The following PTPN23 variants were observed in gnomAD, a reference collection of about 807,000 sequenced individuals.
PTPN23 encodes protein tyrosine phosphatase non-receptor type 23.
Under a neutral mutation model 156.3 loss-of-function variants are expected in PTPN23, and 72 were observed. The ratio of observed to expected loss-of-function variants is 0.46; its 90% CI spans 0.38 to 0.56. The LOEUF (loss-of-function observed/expected upper bound fraction) is 0.56. Among genes scored for constraint, PTPN23 ranks in the 20% least tolerant of loss-of-function variants. The pLI is 0.00. For missense variants in PTPN23, 1,974 were observed against 2,171.5 expected (o/e 0.91, Z 1.81); for synonymous variants, 957 against 899.6 (o/e 1.06, Z -1.14).
rs148689441 is a variant in PTPN23 at position 47,411,546 on chromosome 3, G to A, written c.3748G>A (p.Glu1250Lys). 233 of 1,612,738 alleles carry A rather than the reference G, an allele frequency of 1.4e-4. No individual in the cohort carries two copies. Among genetic ancestry groups the A allele is most frequent in the Non-Finnish European group, 1.9e-4 (221 of 1,180,016 alleles). The change falls in exon 20 of 25, where the codon GAG becomes AAG. Residue 1250 changes from glutamate (E) to lysine (K), a missense_variant. Glu to Lys is a moderately conservative substitution (Grantham distance 56, BLOSUM62 1). Around this residue, in one of 4 missense-constraint regions of PTPN23, gnomAD observed 484 missense variants for 516.0 expected, o/e 0.94. Coordinates refer to ENST00000265562, the MANE Select transcript of PTPN23 (RefSeq NM_015466.4). The surrounding 1 kb of genome is among the most constrained non-coding windows in gnomAD (Gnocchi z 6.3). ...TGACTACATCAATGCCAGCTGCGTG[G>A]AGGGGCTCTCCCCATACTGCCCCCC... ...KDDYINASCV[E>K]GLSPYCPPLV...
intron 1 of PTPN23, among the ~76,000 whole-genome samples, chr3:47,390,657 C>G (rs1331566247): frequency 6.6e-6 from 1 of 152,166 alleles, no homozygotes; most frequent in African/African-American, 2.4e-5. Context: ...CAGCCTCTTT[C>G]TTCTTTTTTA....
Position 47,407,058 on chromosome 3 carries a change from C to G in PTPN23, c.808-72C>G. On this transcript the variant is annotated intron_variant, in intron 9 of 24. Coordinates refer to ENST00000265562, the MANE Select transcript of PTPN23 (RefSeq NM_015466.4). This position sits in a 1 kb window ranked among gnomAD's most constrained non-coding sequence, Gnocchi z 4.0. The stretch of plus-strand genomic sequence containing the variant: ...TTGTCATCTGATGGACAGGCAGGGC[C>G]GGGTGGGAGGCAGGAGGAGAAAGGG... 2 of 1,590,372 alleles carry G rather than the reference C, an allele frequency of 1.3e-6. No individual in the cohort carries two copies. Among genetic ancestry groups the G allele is most frequent in the Non-Finnish European group, 1.7e-6 (2 of 1,160,966 alleles).
Position 47,381,037 on chromosome 3 carries a change from C to G in PTPN23, c.-60C>G. On this transcript the variant is annotated 5_prime_UTR_variant, in exon 1 of 25. Coordinates refer to ENST00000265562, the MANE Select transcript of PTPN23 (RefSeq NM_015466.4). ...CGAAGGGGCGGGGCTGGGCTCGTGGCTGAGCCAGCAGCTGCAGCAGCTACG... is the reference window on the plus strand; with the variant it reads ...CGAAGGGGCGGGGCTGGGCTCGTGGGTGAGCCAGCAGCTGCAGCAGCTACG... 5 of 1,549,228 alleles carry G rather than the reference C, an allele frequency of 3.2e-6. No homozygotes were observed.
rs373084496 is a variant in PTPN23, at chr3:47,413,216, C to T, written c.*31C>T. 1.4e-6 allele frequency: 2 copies of T among 1,457,080 alleles called. No homozygotes were observed. Among genetic ancestry groups the T allele is most frequent in the South Asian group, 1.2e-5 (1 of 82,320 alleles). 90.3% of individuals were successfully genotyped at this position (1,457,080 alleles called of 1,614,324 possible). Reference sequence around the variant, plus strand: ...TTTTGCCTACCTGGTCCTTACACTACATCATCATCATCTCATGCCCACCTG... The same window carrying T: ...TTTTGCCTACCTGGTCCTTACACTATATCATCATCATCTCATGCCCACCTG... On this transcript the variant is annotated 3_prime_UTR_variant, in exon 25 of 25. Transcript: ENST00000265562.
chr3:47,382,680 CTTTTTTTTTTTTTTTTTT>C (rs71098482), intron 1 of PTPN23, among the ~76,000 whole-genome samples: 10 of 58,646 alleles, frequency 1.7e-4, no homozygotes, highest in African/African-American at 5.9e-4. Flanking sequence ...TTTTTCTTTT[CTTTTTTTTTTTTTTTTTT>C]TTTTTTTTGA....
Position 47,407,428 on chromosome 3 carries a change from G to T in PTPN23, c.923+61G>T. 6.2e-7 allele frequency: 1 copy of T among 1,609,114 alleles called. No individual in the cohort carries two copies. The highest frequency in any genetic ancestry group is 1.7e-5 in the Admixed American group (1 of 59,956). The stretch of plus-strand genomic sequence containing the variant: ...TGTGAAGGGTCTTGTCCCTCTGCTG[G>T]CATCTACATGGGAAGTAGGTTCTGG... On this transcript the variant is annotated intron_variant, in intron 11 of 24. Coordinates refer to ENST00000265562, the MANE Select transcript of PTPN23 (RefSeq NM_015466.4). This position sits in a 1 kb window ranked among gnomAD's most constrained non-coding sequence, Gnocchi z 4.0.
rs140097016 is a variant in PTPN23, at chr3:47,413,137, C to T, written c.4863C>T (p.Asp1621=). 6.1e-5 allele frequency: 98 copies of T among 1,612,662 alleles called. No individual in the cohort carries two copies. The highest frequency in any genetic ancestry group is 1.2e-4 in the South Asian group (11 of 91,078). The change falls in exon 25 of 25, where the codon GAC becomes GAT. Residue 1621 remains aspartate (D), a synonymous_variant. Transcript: ENST00000265562. The part of the protein sequence containing the change: ...GQGLRATRPS[D]DPLSLLDPLW... ...GGCTGCGGGCCACCCGGCCCTCTGA[C>T]GACCCCCTCAGCCTTCTGGATCCAC...
At chr3:47,404,804 G>A in intron 3 of PTPN23, 25 bp downstream of exon 3, 1 of 1,610,232 alleles carries the variant, frequency 6.2e-7, no homozygotes, top group Non-Finnish European at 8.5e-7. Flanking sequence ...CAGGGCTGGA[G>A]GATCCCACGG....
At chr3:47,408,596 C>A (rs758670646) in intron 15 of PTPN23, 106 bp downstream of exon 15, 103 of 1,494,356 alleles carry the variant, frequency 6.9e-5, no homozygotes, top group Non-Finnish European at 9.0e-5. Context: ...CCCCTCTAGG[C>A]CCTGGCTTGG....
In PTPN23 at chr3:47,412,915, CCT is replaced by C; in HGVS notation, c.4642_4643del (p.Leu1548PhefsTer6). 1.2e-6 allele frequency: 2 copies of C among 1,603,196 alleles called. No individual in the cohort carries two copies. The highest frequency in any genetic ancestry group is 1.1e-5 in the South Asian group (1 of 90,416). On this transcript the variant is annotated frameshift_variant, in exon 25 of 25. Transcript: ENST00000265562. LOFTEE classifies it high-confidence loss of function. ...CAATCCCATCTTCCTCCCCGCCCCCCCTTTCCTCCCCACTACCTGAGGCTCCC... is the reference window on the plus strand; with the variant it reads ...CAATCCCATCTTCCTCCCCGCCCCCCTTCCTCCCCACTACCTGAGGCTCCC... ...TPIPSSSPPP[L>X]SSPLPEAPQP...
At position 47,412,939 on chromosome 3, in the gene PTPN23, TC is replaced by T; in HGVS notation, c.4669del (p.Gln1557SerfsTer27). 1 of 1,257,418 alleles carries T rather than the reference TC, an allele frequency of 8.0e-7. No individual in the cohort carries two copies. The highest frequency in any genetic ancestry group is 1.0e-6 in the Non-Finnish European group (1 of 964,564). The allele number at this position is 1,257,418 out of a possible 1,614,324, so 77.9% of individuals were successfully genotyped here. On this transcript the variant is annotated frameshift_variant, in exon 25 of 25. Coordinates refer to ENST00000265562, the MANE Select transcript of PTPN23 (RefSeq NM_015466.4). LOFTEE classifies it high-confidence loss of function. ...CCCTTTCCTCCCCACTACCTGAGGC[TC>T]CCCAGCCTAAGGAGGAGCCGCCAGT... ...PPLSSPLPEA[P>X]QPKEEPPVPE...
At chr3:47,412,032 GGAT>G in intron 21 of PTPN23, 59 bp from the exon 22 acceptor site, 1 of 1,608,236 alleles carries the variant, frequency 6.2e-7, no homozygotes, top group South Asian at 1.1e-5. Flanking sequence ...GTGCTGGGAG[GGAT>G]GAGAGCCTCA....
chr3:47,389,320 C>T (rs1411068860), intron 1 of PTPN23, among the ~76,000 whole-genome samples: 1 of 152,116 alleles, frequency 6.6e-6, no homozygotes, highest in Non-Finnish European at 1.5e-5. Flanking sequence ...ATGAAAAAAG[C>T]CAAGCCTAGG....
At position 47,408,735 on chromosome 3, in the gene PTPN23, C is replaced by A; in HGVS notation, c.1331-41C>A. On this transcript the variant is annotated intron_variant, in intron 15 of 24. Transcript: ENST00000265562. Reference sequence around the variant, plus strand: ...GGGGAGGGGCCCATGGGTGCCCGGTCAGCCTGCCTCAGGGGCTGCCTGTAC... The same window carrying A: ...GGGGAGGGGCCCATGGGTGCCCGGTAAGCCTGCCTCAGGGGCTGCCTGTAC... 2.6e-6 allele frequency: 4 copies of A among 1,549,438 alleles called. No individual in the cohort carries two copies. The South Asian group carries it at 3.8e-5, about 15-fold the overall frequency.
Position 47,405,663 on chromosome 3 carries a change from G to C in PTPN23, c.365-86G>C, listed in dbSNP as rs1039038611. 9.6e-6 allele frequency: 13 copies of C among 1,357,456 alleles called. No homozygotes were observed. The African/African-American group carries it at 1.6e-4, about 17-fold the overall frequency. 84.1% of individuals were successfully genotyped at this position (1,357,456 alleles called of 1,614,324 possible). On this transcript the variant is annotated intron_variant, in intron 4 of 24. Coordinates refer to ENST00000265562, the MANE Select transcript of PTPN23 (RefSeq NM_015466.4). This position sits in a 1 kb window ranked among gnomAD's most constrained non-coding sequence, Gnocchi z 4.7. ...TTCTCAGAGCCATGTTGTCCTGATT[G>C]TGGATAACAGCAGTGCCCCCTCTGT...
chr3:47,412,195 G>A lies in PTPN23; in HGVS notation c.4175G>A (p.Cys1392Tyr). ...CTGCACACGCCCATCATTGTGCACT[G>A]CAGGTAGAGGGTGGGCCTGAGGGTC... ...RPLHTPIIVH[C>Y]SSGVGRTGAF... Residue 1392 changes from cysteine (C) to tyrosine (Y), a missense_variant, in exon 22 of 25, where the codon TGC (cysteine) becomes TAC (tyrosine). Around this residue, in one of 4 missense-constraint regions of PTPN23, gnomAD observed 484 missense variants for 516.0 expected, o/e 0.94. Transcript: ENST00000265562. The A allele has an allele frequency of 1.9e-6, 3 of 1,613,254 alleles. No individual in the cohort carries two copies. The highest frequency in any genetic ancestry group is 2.5e-6 in the Non-Finnish European group (3 of 1,180,038).
rs201796249 is a variant in PTPN23 at position 47,403,531 on chromosome 3, CT to C, written c.160-1117del. On this transcript the variant is annotated intron_variant, in intron 2 of 24. Transcript: ENST00000265562. ...AATTTTGGTGGGTATCCAGTTTTAC[CT>C]TTTGCTTTTTTTGAGAGACAGGGTC... Among the ~76,000 whole-genome samples, 256 of 151,980 alleles carry C rather than the reference CT, an allele frequency of 1.7e-3. 3 individuals are homozygous for C. The highest frequency in any genetic ancestry group is 8.1e-3 in the Admixed American group (124 of 15,256).
intron 1 of PTPN23, among the ~76,000 whole-genome samples, chr3:47,388,172 GCTT>G (rs1339379796): frequency 6.6e-6 from 1 of 152,008 alleles, no homozygotes; most frequent in Non-Finnish European, 1.5e-5. Context: ...TACCTCATAA[GCTT>G]CTGAGAATCA....
In PTPN23 at chr3:47,413,117, C is replaced by T. The variant is rs1428269769; in HGVS notation, c.4843C>T (p.Arg1615Trp). 10 of 1,612,748 alleles carry T rather than the reference C, an allele frequency of 6.2e-6. No homozygotes were observed. The highest frequency in any genetic ancestry group is 4.0e-5 in the African/African-American group (3 of 74,946). Residue 1615 changes from arginine to tryptophan, a missense_variant, in exon 25 of 25, where the codon CGG (arginine) becomes TGG (tryptophan). Arg to Trp is a moderately radical substitution (Grantham distance 101). Around this residue, in one of 4 missense-constraint regions of PTPN23, gnomAD observed 484 missense variants for 516.0 expected, o/e 0.94. Transcript: ENST00000265562. ...GCAGGCCCATAACGGGCAAGGGCTG[C>T]GGGCCACCCGGCCCTCTGACGACCC... ...FLQAHNGQGLRATRPSDDPLS... is the reference protein window; with the variant it reads ...FLQAHNGQGLWATRPSDDPLS...
Sources: allele counts gnomAD v4.1 joint callset (sites outside exome capture counted in the v4.1 genomes callset), GRCh38; gene constraint gnomAD v4.1.1; regional missense constraint gnomAD v4.1.1; non-coding constraint Gnocchi (gnomAD v3.1); transcripts MANE v1.5; gene names NCBI Gene and HGNC (gene_info 2026-07-23, HGNC 2026-07-21).